SYT1: variants seen among roughly 807,000 people sequenced by gnomAD.
The protein encoded by SYT1 is synaptotagmin 1, also known as synaptotagmin-1.
Under a neutral mutation model 44.8 loss-of-function variants are expected in SYT1, and 8 were observed. The ratio of observed to expected loss-of-function variants is 0.18; its 90% CI spans 0.10 to 0.32. The LOEUF (loss-of-function observed/expected upper bound fraction) is 0.32. Ranked by LOEUF, SYT1 falls within the 10% of genes least tolerant of loss-of-function variation. SYT1 has a pLI of 1.00. For synonymous variants in SYT1, 154 were observed against 188.8 expected (o/e 0.82, Z 1.51); for missense variants, 286 against 509.3 (o/e 0.56, Z 4.22).
At chr12:79,210,831 C>A (rs982895594) in intron 3 of SYT1, among the ~76,000 whole-genome samples, 3 of 151,910 alleles carry the variant, frequency 2.0e-5, no homozygotes, top group Non-Finnish European at 4.4e-5. Context: ...ACCTTCATAT[C>A]TTTTCTACAT....
chr12:79,375,358 C>T (rs1883951747), intron 9 of SYT1, among the ~76,000 whole-genome samples: 2 of 152,086 alleles, frequency 1.3e-5, no homozygotes, highest in African/African-American at 4.8e-5. Flanking sequence ...GAGCTAAGGC[C>T]TGGTTGTACA....
chr12:78,982,611 A>G (rs1240064698), intron 2 of SYT1, among the ~76,000 whole-genome samples: 1 of 152,156 alleles, frequency 6.6e-6, no homozygotes, highest in Non-Finnish European at 1.5e-5. Context: ...TCTATTTGGC[A>G]GCTTCTGAAA....
chr12:79,140,326 T>G (rs10861570), intron 3 of SYT1, among the ~76,000 whole-genome samples: 20,970 of 152,182 alleles, frequency 0.14, 1,930 homozygotes, highest in East Asian at 0.25. Flanking sequence ...CGCAGAATCA[T>G]GTTTCCCTTT....
intron 5 of SYT1, chr12:79,291,727 T>C (rs915082231): frequency 7.7e-6 from 4 of 517,958 alleles, no homozygotes; most frequent in South Asian, 3.1e-5. Flanking sequence ...CAACACCAAG[T>C]TGACACTTTC....
intron 9 of SYT1, among the ~76,000 whole-genome samples, chr12:79,373,745 T>C (rs981604376): frequency 7.2e-5 from 11 of 152,312 alleles, no homozygotes; most frequent in African/African-American, 2.6e-4. Context: ...TTAAAACTTT[T>C]AAACTTTTAG....
At chr12:78,923,275 T>C (rs1367603037) in intron 1 of SYT1, among the ~76,000 whole-genome samples, 1 of 152,026 alleles carries the variant, frequency 6.6e-6, no homozygotes, top group South Asian at 2.1e-4. Context: ...TAAGCACACA[T>C]GGCTGTTGCA....
At chr12:79,231,368 G>T (rs1273292070) in intron 4 of SYT1, among the ~76,000 whole-genome samples, 1 of 152,026 alleles carries the variant, frequency 6.6e-6, no homozygotes, top group Non-Finnish European at 1.5e-5. Context: ...TTGGCCCATT[G>T]AAAGATTTCC....
rs201152754 is a variant in SYT1, at chr12:79,124,530, CCAT to C, written c.-18+77183_-18+77185del. Among the ~76,000 whole-genome samples the C allele has an allele frequency of 7.9e-3, 1,201 of 151,968 alleles. 17 individuals are homozygous for C. Among genetic ancestry groups the C allele is most frequent in the African/African-American group, 0.028 (1,142 of 41,454 alleles). On this transcript the variant is annotated intron_variant, in intron 3 of 10. Transcript: ENST00000261205. ...AATAAATAACAGGGTATTACTCTCA[CCAT>C]CATCATCATCATCACCATTGCCATC...
At chr12:79,326,038 C>G (rs147159042) in intron 8 of SYT1, among the ~76,000 whole-genome samples, 35 of 152,230 alleles carry the variant, frequency 2.3e-4, no homozygotes, top group African/African-American at 7.7e-4. Flanking sequence ...AAGCTTAAAG[C>G]ATGTGCCGTA....
chr12:79,132,618 T>C (rs1226853628), intron 3 of SYT1, among the ~76,000 whole-genome samples: 1 of 147,894 alleles, frequency 6.8e-6, no homozygotes, highest in Non-Finnish European at 1.5e-5. Flanking sequence ...TCTCATACAT[T>C]GTTTATGGGA....
intron 3 of SYT1, among the ~76,000 whole-genome samples, chr12:79,065,796 C>T (rs899669880): frequency 3.3e-5 from 5 of 151,992 alleles, no homozygotes; most frequent in Admixed American, 6.6e-5. Flanking sequence ...TGCACTTATG[C>T]GCACAGAAGA....
chr12:79,381,251 C>T (rs1884211490), intron 9 of SYT1, among the ~76,000 whole-genome samples: 1 of 152,160 alleles, frequency 6.6e-6, no homozygotes, highest in Non-Finnish European at 1.5e-5. Flanking sequence ...CTCTTGCTTG[C>T]CTGAAAGTAA....
chr12:79,127,163 A>T (rs1216361559), intron 3 of SYT1, among the ~76,000 whole-genome samples: 1 of 152,258 alleles, frequency 6.6e-6, no homozygotes, highest in Non-Finnish European at 1.5e-5. Flanking sequence ...TTACTTAAGC[A>T]TAATTTTAGA....
intron 8 of SYT1, among the ~76,000 whole-genome samples, chr12:79,300,789 TTATATATATATATATA>T (rs56934430): frequency 6.7e-5 from 6 of 89,624 alleles, no homozygotes; most frequent in Non-Finnish European, 1.1e-4. Context: ...TGTATACTTA[TTATATATATATATATA>T]TATATATATA....
chr12:79,307,764 T>C (rs951943510), intron 8 of SYT1, among the ~76,000 whole-genome samples: 2 of 152,214 alleles, frequency 1.3e-5, no homozygotes, highest in South Asian at 2.1e-4. Flanking sequence ...TGGCCTTGCC[T>C]AACGGCATGT....
chr12:79,134,326 G>A (rs1158440077), intron 3 of SYT1, among the ~76,000 whole-genome samples: 1 of 152,178 alleles, frequency 6.6e-6, no homozygotes, highest in African/African-American at 2.4e-5. Flanking sequence ...GACAATTTCT[G>A]TTTGATTGTG....
chr12:79,363,291 T>C (rs1479944435), intron 9 of SYT1, among the ~76,000 whole-genome samples: 2 of 152,134 alleles, frequency 1.3e-5, no homozygotes, highest in African/African-American at 4.8e-5. Flanking sequence ...CAAAAGTCGG[T>C]GCTATTCCCC....
At chr12:79,232,411 C>G (rs1463993821) in intron 4 of SYT1, among the ~76,000 whole-genome samples, 1 of 152,132 alleles carries the variant, frequency 6.6e-6, no homozygotes, top group African/African-American at 2.4e-5. Flanking sequence ...AACTGTTCGC[C>G]CTCACACAGT....
intron 4 of SYT1, among the ~76,000 whole-genome samples, chr12:79,247,055 G>A (rs1314251255): frequency 6.6e-6 from 1 of 152,064 alleles, no homozygotes; most frequent in Non-Finnish European, 1.5e-5. Context: ...AAGGATAAAG[G>A]TTTTTTTAAT....
Sources: gnomAD v4.1 joint callset for allele counts (sites outside exome capture counted in the v4.1 genomes callset) on GRCh38, gnomAD v4.1.1 for gene constraint, MANE v1.5 for transcripts, NCBI Gene and HGNC (gene_info 2026-07-23, HGNC 2026-07-21) for gene names.